PCDHA2: variants seen among roughly 807,000 people sequenced by gnomAD.
The protein encoded by PCDHA2 is protocadherin alpha-2.
In PCDHA2, 58 loss-of-function variants were observed where a neutral mutation model predicts 66.0. That is an observed-to-expected ratio of 0.88 (90% CI 0.71 to 1.09). The LOEUF (loss-of-function observed/expected upper bound fraction) is 1.09. Among genes scored for constraint, PCDHA2 ranks in the 50% least tolerant of loss-of-function variants. The pLI, the probability that PCDHA2 is intolerant of heterozygous loss-of-function variation, is 0.00. For synonymous variants in PCDHA2, 634 were observed against 554.0 expected (o/e 1.14, Z -2.03); for missense variants, 1,267 against 1,242.3 (o/e 1.02, Z -0.30).
At chr5:140,953,620 T>G (rs1207803220) in intron 1 of PCDHA2, among the ~76,000 whole-genome samples, 1 of 152,146 alleles carries the variant, frequency 6.6e-6, no homozygotes, top group Non-Finnish European at 1.5e-5. Context: ...CTTAGATATT[T>G]GCTTTATGTA....
chr5:140,891,378 T>C (rs141028628), intron 1 of PCDHA2, among the ~76,000 whole-genome samples: 2 of 152,104 alleles, frequency 1.3e-5, no homozygotes, highest in African/African-American at 4.8e-5. Context: ...CATTGCACCA[T>C]ATTTGCAATC....
At chr5:140,967,820 C>A (rs1162525542) in intron 1 of PCDHA2, 29 of 1,614,052 alleles carry the variant, frequency 1.8e-5, no homozygotes, top group Non-Finnish European at 2.5e-5. Context: ...CTGCAAGGTG[C>A]TGGTGGACAT....
intron 1 of PCDHA2, among the ~76,000 whole-genome samples, chr5:140,840,501 C>T (rs956640130): frequency 7.9e-5 from 12 of 151,956 alleles, no homozygotes; most frequent in African/African-American, 2.9e-4. Flanking sequence ...GGTAAATACT[C>T]ACTTTTTGGA....
chr5:140,865,624 T>C (rs1554159533), intron 1 of PCDHA2: 1 of 152,176 alleles, frequency 6.6e-6, no homozygotes, highest in East Asian at 1.9e-4. Context: ...TTGTTAGACA[T>C]CATGAAGGGA....
At chr5:140,805,124 C>G in intron 1 of PCDHA2, 1 of 1,583,798 alleles carries the variant, frequency 6.3e-7, no homozygotes. Flanking sequence ...AGACTCTTGG[C>G]AAAGACATTT....
intron 1 of PCDHA2, among the ~76,000 whole-genome samples, chr5:140,911,931 T>C (rs1057514341): frequency 1.8e-4 from 28 of 152,134 alleles, no homozygotes; most frequent in African/African-American, 6.8e-4. Context: ...ACTAATAGGA[T>C]AGATGTATAT....
chr5:140,843,344 G>C lies in PCDHA2; in HGVS notation c.2388+45992G>C, dbSNP rs201264675. ...GGTGTCGCTGGTGGAGAGCGGCCAGGCTCCAAAAGCGTCATCGAGGCAGTC... is the reference window on the plus strand; with the variant it reads ...GGTGTCGCTGGTGGAGAGCGGCCAGCCTCCAAAAGCGTCATCGAGGCAGTC... On this transcript the variant is annotated intron_variant, in intron 1 of 3. Transcript: ENST00000526136. The C allele has an allele frequency of 3.6e-5, 58 of 1,595,962 alleles. 5 individuals carry two copies. Among genetic ancestry groups the C allele is most frequent in the Non-Finnish European group, 4.3e-5 (50 of 1,165,608 alleles).
At chr5:140,976,871 A>G (rs2096735171) in intron 1 of PCDHA2, among the ~76,000 whole-genome samples, 2 of 152,224 alleles carry the variant, frequency 1.3e-5, no homozygotes, top group Non-Finnish European at 2.9e-5. Flanking sequence ...TGTCTGACAA[A>G]GAAAGAATTA....
At chr5:141,005,303 A>T (rs2098205194) in intron 3 of PCDHA2, among the ~76,000 whole-genome samples, 2 of 152,212 alleles carry the variant, frequency 1.3e-5, no homozygotes, top group Non-Finnish European at 2.9e-5. Context: ...TGCCTTTGTG[A>T]ATCTTACAGT....
chr5:140,876,055 G>A (rs782670279), intron 1 of PCDHA2: 2 of 1,613,934 alleles, frequency 1.2e-6, no homozygotes, highest in Non-Finnish European at 1.7e-6. Context: ...GCCTGAATTA[G>A]TTCTTCGGAA....
chr5:140,910,324 T>C (rs2074979860), intron 1 of PCDHA2, among the ~76,000 whole-genome samples: 3 of 152,220 alleles, frequency 2.0e-5, no homozygotes, highest in Non-Finnish European at 4.4e-5. Flanking sequence ...AGTCAGACTA[T>C]TGTGATTGCT....
chr5:140,829,141 A>T, intron 1 of PCDHA2: 1 of 1,613,462 alleles, frequency 6.2e-7, no homozygotes, highest in Non-Finnish European at 8.5e-7. Context: ...TCCCTGAGAT[A>T]GCACTGACTT....
Position 140,796,004 on chromosome 5 carries a change from C to T in PCDHA2, c.1040C>T (p.Thr347Ile). The T allele has an allele frequency of 1.9e-6, 3 of 1,614,148 alleles. No homozygotes were observed. Among genetic ancestry groups the T allele is most frequent in the Non-Finnish European group, 2.5e-6 (3 of 1,179,976 alleles). ...AAACTTGTGGACATCAATGATAACA[C>T]ACCAGAAGTCTCAATAACGTCTCTC... is the stretch of plus-strand genomic sequence containing the variant. ...SLKLVDINDN[T>I]PEVSITSLSL... is the part of the protein sequence containing the mutation. The change falls in exon 1 of 4, where the codon ACA becomes ATA. Residue 347 changes from threonine to isoleucine, a missense_variant. Thr to Ile is a moderately conservative substitution (Grantham distance 89). Transcript: ENST00000526136.
intron 1 of PCDHA2, among the ~76,000 whole-genome samples, chr5:140,894,646 C>A (rs1481747888): frequency 2.0e-5 from 3 of 151,766 alleles, no homozygotes; most frequent in African/African-American, 7.3e-5. Flanking sequence ...ATTACTGAGT[C>A]TCTCTAATTC....
intron 1 of PCDHA2, chr5:140,870,584 T>A (rs782563992): frequency 1.1e-5 from 18 of 1,613,672 alleles, no homozygotes; most frequent in Non-Finnish European, 1.3e-5. Flanking sequence ...TACTCGCTGG[T>A]GGAGCGGCGG....
intron 1 of PCDHA2, chr5:140,847,434 A>T (rs1554141788): frequency 1.3e-5 from 2 of 149,796 alleles, no homozygotes; most frequent in East Asian, 3.9e-4. Flanking sequence ...TAGACTTGAG[A>T]TACACTAAAA....
At chr5:140,850,261 T>C (rs2150476326) in intron 1 of PCDHA2, 3 of 1,592,442 alleles carry the variant, frequency 1.9e-6, no homozygotes, top group African/African-American at 1.4e-5. Flanking sequence ...GGCGCCGGCG[T>C]AGTGGTGGGG....
At chr5:140,925,141 A>G (rs1287522151) in intron 1 of PCDHA2, among the ~76,000 whole-genome samples, 1 of 151,690 alleles carries the variant, frequency 6.6e-6, no homozygotes, top group Non-Finnish European at 1.5e-5. Context: ...TTTCAAACAT[A>G]CACAAAAGTT....
chr5:140,875,355 T>C (rs909094206), intron 1 of PCDHA2: 8 of 1,446,356 alleles, frequency 5.5e-6, no homozygotes, highest in Non-Finnish European at 7.3e-6. Flanking sequence ...ATGACTGTGA[T>C]GCTGGAAAAA....
Sources: allele counts gnomAD v4.1 joint callset (sites outside exome capture counted in the v4.1 genomes callset), GRCh38; gene constraint gnomAD v4.1.1; transcripts MANE v1.5; gene names NCBI Gene and HGNC (gene_info 2026-07-23, HGNC 2026-07-21).